Variants in BNC2 observed in about 807,000 individuals in gnomAD.
BNC2 encodes the protein basonuclin zinc finger protein 2.
A neutral mutation model predicts 76.3 loss-of-function variants in BNC2; 20 were observed. That is an observed-to-expected ratio of 0.26 (90% CI 0.18 to 0.38). BNC2 has a LOEUF of 0.38. Among genes scored for constraint, BNC2 ranks in the 10% least tolerant of loss-of-function variants. BNC2 has a pLI of 1.00. For synonymous variants in BNC2, 582 were observed against 514.8 expected (o/e 1.13, Z -1.77); for missense variants, 1,382 against 1,399.8 (o/e 0.99, Z 0.20).
intron 3 of BNC2, among the ~76,000 whole-genome samples, chr9:16,710,123 TAA>T (rs35708054): frequency 1.1e-3 from 158 of 149,022 alleles, no homozygotes; most frequent in Admixed American, 6.6e-4. Flanking sequence ...GTTCAACATT[TAA>T]AAAAAAAAAA....
intron 3 of BNC2, among the ~76,000 whole-genome samples, chr9:16,662,745 TAAAAC>T (rs1822146242): frequency 1.3e-5 from 2 of 149,986 alleles, no homozygotes; most frequent in African/African-American, 5.0e-5. Context: ...AAAAATAAAA[TAAAAC>T]AAGAGAAAAT....
rs2118995879 is a variant in BNC2, at chr9:16,417,403, G to C, written c.*1586C>G. 6.6e-6 allele frequency: 1 copy of C among 152,364 alleles called. No individual in the cohort carries two copies. The highest frequency in any genetic ancestry group is 2.1e-4 in the South Asian group (1 of 4,826). The allele number at this position is 152,364 out of a possible 1,614,324, so 9.4% of individuals were successfully genotyped here. ...TTCAGGCTTGCTTTCATTTCTCTCTGACAAATCGTGTGGGGAAACACAAAA... is the reference window on the plus strand; with the variant it reads ...TTCAGGCTTGCTTTCATTTCTCTCTCACAAATCGTGTGGGGAAACACAAAA... On this transcript the variant is annotated 3_prime_UTR_variant, in exon 7 of 7. Transcript: ENST00000380672.
chr9:16,709,859 G>T (rs572132242), intron 3 of BNC2, among the ~76,000 whole-genome samples: 1 of 152,262 alleles, frequency 6.6e-6, no homozygotes, highest in Non-Finnish European at 1.5e-5. Flanking sequence ...TAGGTTTCAA[G>T]AAAGTGTTTT....
Position 16,514,992 on chromosome 9 carries a change from C to G in BNC2, c.669+37538G>C, listed in dbSNP as rs562497473. Among the ~76,000 whole-genome samples the G allele has an allele frequency of 1.1e-4, 17 of 152,300 alleles. No homozygotes were observed. In the South Asian group the frequency reaches 3.3e-3, roughly 30 times the overall value. Reference sequence around the variant, plus strand: ...TGGTTTCTGGAACCAGCAAAACTGTCTGGCAGTTACACTGACCCAGAAGGG... The same window carrying G: ...TGGTTTCTGGAACCAGCAAAACTGTGTGGCAGTTACACTGACCCAGAAGGG... On this transcript the variant is annotated intron_variant, in intron 5 of 6. Transcript: ENST00000380672.
intron 6 of BNC2, among the ~76,000 whole-genome samples, chr9:16,432,456 G>A (rs1820926473): frequency 6.6e-6 from 1 of 152,132 alleles, no homozygotes; most frequent in Admixed American, 6.5e-5. Context: ...ATGCCTATCT[G>A]GAGACCAAAA....
chr9:16,518,993 A>T (rs1409356791), intron 5 of BNC2, among the ~76,000 whole-genome samples: 2 of 152,248 alleles, frequency 1.3e-5, no homozygotes, highest in Non-Finnish European at 2.9e-5. Context: ...GTGTGTTATC[A>T]GCATGTCTCT....
chr9:16,859,461 A>C (rs1819342320), intron 1 of BNC2, among the ~76,000 whole-genome samples: 1 of 152,248 alleles, frequency 6.6e-6, no homozygotes, highest in Admixed American at 6.5e-5. Context: ...CTATCTACAG[A>C]TGAATGGATA....
At chr9:16,656,600 C>A (rs1409635658) in intron 3 of BNC2, among the ~76,000 whole-genome samples, 1 of 152,190 alleles carries the variant, frequency 6.6e-6, no homozygotes, top group Non-Finnish European at 1.5e-5. Flanking sequence ...CTACCATCAC[C>A]ACAACCAGAA....
intron 3 of BNC2, among the ~76,000 whole-genome samples, chr9:16,622,970 G>C (rs957162767): frequency 2.6e-5 from 4 of 152,046 alleles, no homozygotes; most frequent in African/African-American, 7.2e-5. Flanking sequence ...TGGTTTTATA[G>C]GTTATACTGA....
chr9:16,487,058 G>T (rs1822179506), intron 5 of BNC2, among the ~76,000 whole-genome samples: 1 of 152,228 alleles, frequency 6.6e-6, no homozygotes, highest in South Asian at 2.1e-4. Flanking sequence ...TGGGAATCCA[G>T]AAGTGACACT....
intron 3 of BNC2, among the ~76,000 whole-genome samples, chr9:16,707,197 G>GCCCCC (rs143519773): frequency 2.7e-5 from 4 of 147,952 alleles, no homozygotes; most frequent in Admixed American, 6.7e-5. Context: ...GCAAGACTCC[G>GCCCCC]CCCCCCCGCC....
At chr9:16,546,951 C>T (rs1358351508) in intron 5 of BNC2, among the ~76,000 whole-genome samples, 8 of 152,170 alleles carry the variant, frequency 5.3e-5, no homozygotes, top group Non-Finnish European at 1.0e-4. Context: ...ATGTATAAGC[C>T]TGGGTGCTGG....
chr9:16,485,099 G>C (rs10962446), intron 5 of BNC2, among the ~76,000 whole-genome samples: 42,653 of 143,168 alleles, frequency 0.3, 6,179 homozygotes, highest in African/African-American at 0.39. Flanking sequence ...CACACACACA[G>C]AGACACACAC....
chr9:16,543,453 A>C (rs1293343582), intron 5 of BNC2, among the ~76,000 whole-genome samples: 2 of 152,176 alleles, frequency 1.3e-5, no homozygotes, highest in African/African-American at 4.8e-5. Context: ...AGTAAATCTG[A>C]ACTGATTCTT....
Position 16,806,459 on chromosome 9 carries a change from T to C in BNC2, c.3+64187A>G, listed in dbSNP as rs182594365. On this transcript the variant is annotated intron_variant, in intron 1 of 6. Transcript: ENST00000380672. ...TTTTGAAGGTTCACTTGGAACATAA[T>C]GATAAGAAGGAATTTAAGCAAAGTT... Among the ~76,000 whole-genome samples the C allele has an allele frequency of 9.6e-3, 1,465 of 152,256 alleles. 22 individuals carry two copies. The highest frequency in any genetic ancestry group is 0.034 in the African/African-American group (1,392 of 41,522).
chr9:16,698,139 C>G (rs1823393407), intron 3 of BNC2, among the ~76,000 whole-genome samples: 3 of 152,158 alleles, frequency 2.0e-5, no homozygotes, highest in Non-Finnish European at 4.4e-5. Context: ...TCAATAATTG[C>G]TACAGAAACC....
chr9:16,449,980 T>C (rs1049438919), intron 5 of BNC2, among the ~76,000 whole-genome samples: 1 of 152,172 alleles, frequency 6.6e-6, no homozygotes, highest in African/African-American at 2.4e-5. Flanking sequence ...GGGTTAGGTA[T>C]AAGCCACACT....
At chr9:16,743,943 C>G (rs1824923862) in intron 1 of BNC2, among the ~76,000 whole-genome samples, 2 of 142,184 alleles carry the variant, frequency 1.4e-5, no homozygotes, top group African/African-American at 2.6e-5. Flanking sequence ...TACTTTTATT[C>G]CTACAGACTG....
At chr9:16,468,860 T>C (rs977750287) in intron 5 of BNC2, among the ~76,000 whole-genome samples, 1 of 152,210 alleles carries the variant, frequency 6.6e-6, no homozygotes, top group African/African-American at 2.4e-5. Context: ...CATACTCATA[T>C]ACCTCTAGTT....
Sources: allele counts gnomAD v4.1 joint callset (sites outside exome capture counted in the v4.1 genomes callset), GRCh38; gene constraint gnomAD v4.1.1; transcripts MANE v1.5; gene names NCBI Gene and HGNC (gene_info 2026-07-23, HGNC 2026-07-21).